The following SEC14L3 variants were observed in gnomAD, a reference collection of about 807,000 sequenced individuals.
SEC14L3 encodes SEC14-like protein 3.
Under a neutral mutation model 57.4 loss-of-function variants are expected in SEC14L3, and 56 were observed. The ratio of observed to expected loss-of-function variants is 0.97; its 90% CI spans 0.79 to 1.22. The LOEUF (loss-of-function observed/expected upper bound fraction) is 1.22, where lower values mean the gene tolerates loss of function less well. Ranked by LOEUF, SEC14L3 falls within the 50% of genes most tolerant of loss-of-function variation. The pLI is 0.00. For missense variants in SEC14L3, 485 were observed against 511.7 expected (o/e 0.95, Z 0.50); for synonymous variants, 173 against 194.4 (o/e 0.89, Z 0.92).
rs540026444 is a variant in SEC14L3, at chr22:30,469,914, C to G, written c.234+105G>C. Reference sequence around the variant, plus strand: ...TGTAGGAAAGGAGACTGCAGGCCTGCGGGTTCCACAGGCCTCTCAGGCTTG... The same window carrying G: ...TGTAGGAAAGGAGACTGCAGGCCTGGGGGTTCCACAGGCCTCTCAGGCTTG... On this transcript the variant is annotated intron_variant, in intron 4 of 11. Transcript: ENST00000215812. 132 of 809,984 alleles carry G rather than the reference C, an allele frequency of 1.6e-4. No homozygotes were observed. In the Middle Eastern group the frequency reaches 2.6e-3, roughly 16 times the overall value. 50.2% of individuals were successfully genotyped at this position (809,984 alleles called of 1,614,324 possible). A position where few individuals can be genotyped will look rare whatever the true frequency, so the allele number is the denominator to read the frequency against.
At chr22:30,449,159 C>T (rs1934933026) in exon 13 of SEC14L3, 7 of 1,550,438 alleles carry the variant, frequency 4.5e-6, no homozygotes, top group East Asian at 2.4e-5. Context: ...CCATCACTTG[C>T]GAGTTTGAGT....
chr22:30,471,858 GCCCC>G, intron 1 of SEC14L3, 43 bp downstream of exon 1: 2 of 1,612,388 alleles, frequency 1.2e-6, no homozygotes, highest in Non-Finnish European at 1.7e-6. Context: ...CCACCCCCCA[GCCCC>G]TTTCCCCTGG....
rs773703971 is a variant in SEC14L3, at chr22:30,460,141, A to T, written c.1083T>A (p.Tyr361Ter). Residue 361 changes from tyrosine (Y) to a stop codon, truncating the protein, a stop_gained and splice_region_variant, in exon 12 of 12, where the codon TAT (tyrosine) becomes TAA (stop). Transcript: ENST00000215812. LOFTEE classifies it high-confidence loss of function. ...GNLTCSEAGVYVLRFDNTYSF... is the reference protein window; with the variant it reads ...GNLTCSEAGV ...TATAGGTGTTGTCGAAGCGTAGGAC[A>T]TCTGGGGGACAGATGGAAAGAGGGG... 9.9e-6 allele frequency: 16 copies of T among 1,613,658 alleles called. No individual in the cohort carries two copies. In the South Asian group the frequency reaches 1.8e-4, roughly 18 times the overall value.
chr22:30,454,501 T>G (rs1256919282), downstream of SEC14L3, among the ~76,000 whole-genome samples: 1 of 140,650 alleles, frequency 7.1e-6, no homozygotes, highest in African/African-American at 2.6e-5. Flanking sequence ...TATTATTATA[T>G]ATAATCTATA....
intron 8 of SEC14L3, among the ~76,000 whole-genome samples, chr22:30,462,924 A>G (rs1935312866): frequency 6.6e-6 from 1 of 151,878 alleles, no homozygotes; most frequent in South Asian, 2.1e-4. Context: ...TTTAGTAGAG[A>G]CGGGGTTTCA....
At chr22:30,454,906 ATATAT>A (rs1332424425), downstream of SEC14L3, among the ~76,000 whole-genome samples, 1 of 37,522 alleles carries the variant, frequency 2.7e-5, no homozygotes, top group Non-Finnish European at 4.1e-5. Flanking sequence ...TAGATATATA[ATATAT>A]TATTATATAT....
Position 30,449,890 on chromosome 22 carries a change from C to T in SEC14L3, c.905-646G>A, listed in dbSNP as rs151014572. 4.4e-4 allele frequency among the ~76,000 whole-genome samples: 67 copies of T among 152,218 alleles called. 1 individual carries two copies. In the East Asian group the frequency reaches 0.012, roughly 26 times the overall value. ...CCAATCTGTCCCTGTTGTAAATCAG[C>T]GCTGTGGTGAGGAAATACTCCTGGA... On this transcript the variant is annotated intron_variant, in intron 12 of 12. Transcript: ENST00000403066.
Position 30,461,680 on chromosome 22 carries a change from C to T in SEC14L3, c.786G>A (p.Gly262=). 1 of 1,612,260 alleles carries T rather than the reference C, an allele frequency of 6.2e-7. No individual in the cohort carries two copies. The highest frequency in any genetic ancestry group is 8.5e-7 in the Non-Finnish European group (1 of 1,178,998). Residue 262 remains glycine, a synonymous_variant, in exon 10 of 12, where the codon GGG becomes GGA. Transcript: ENST00000215812. ...GCACGTACATGGACTTGGGGATCTC[C>T]CCGCCATAGTTAATCTGCGGACATG... The part of the protein sequence containing the change: ...PKCLTKINYG[G]EIPKSMYVRD...
At position 30,460,071 on chromosome 22, in the gene SEC14L3, G is replaced by A. The variant is rs143446006; in HGVS notation, c.1153C>T (p.Leu385Phe). Residue 385 changes from leucine to phenylalanine, a missense_variant, in exon 12 of 12, where the codon CTC becomes TTC. Coordinates refer to ENST00000215812, the MANE Select transcript of SEC14L3 (RefSeq NM_174975.5). ...TATTTCTGCATGCCCTCGTCAGGGA[G>A]CAGGACCTCCACTGTGAAGCTGACC... The part of the protein sequence containing the change: ...KKVSFTVEVL[L>F]PDEGMQKYDK... 5.0e-6 allele frequency: 8 copies of A among 1,614,068 alleles called. No individual in the cohort carries two copies. In the African/African-American group the frequency reaches 5.3e-5, roughly 11 times the overall value.
chr22:30,471,726 C>A (rs1408193669), intron 1 of SEC14L3, among the ~76,000 whole-genome samples, 179 bp downstream of exon 1: 1 of 152,208 alleles, frequency 6.6e-6, no homozygotes, highest in Non-Finnish European at 1.5e-5. Context: ...CAACCCCCGC[C>A]CGGGACAGGG....
Position 30,470,087 on chromosome 22 carries a change from G to A in SEC14L3, c.175-9C>T, listed in dbSNP as rs373648125. 42 of 1,604,420 alleles carry A rather than the reference G, an allele frequency of 2.6e-5. No homozygotes were observed. The African/African-American group carries it at 3.5e-4, about 13-fold the overall frequency. On this transcript the variant is annotated splice_polypyrimidine_tract_variant and intron_variant, in intron 3 of 11. Coordinates refer to ENST00000215812, the MANE Select transcript of SEC14L3 (RefSeq NM_174975.5). ...TTCCGGAACTCCATGTACTGAAAGGGAAATGAGTGGTAAGATCCCACTGGG... is the reference window on the plus strand; with the variant it reads ...TTCCGGAACTCCATGTACTGAAAGGAAAATGAGTGGTAAGATCCCACTGGG...
At chr22:30,457,377 C>CTTTTT (rs60894978), downstream of SEC14L3, among the ~76,000 whole-genome samples, 2 of 136,658 alleles carry the variant, frequency 1.5e-5, no homozygotes, top group Non-Finnish European at 3.2e-5. Flanking sequence ...TTAAGTATGT[C>CTTTTT]TTTTTTTTTT....
In SEC14L3 at chr22:30,471,988, C is replaced by G; in HGVS notation, c.-30G>C. 1 of 1,578,392 alleles carries G rather than the reference C, an allele frequency of 6.3e-7. No homozygotes were observed. The highest frequency in any genetic ancestry group is 2.3e-5 in the East Asian group (1 of 42,754). ...CTGGCTGGGGCTTGAGGAGTGGTGG[C>G]CACTATAGGCAAGAGGCCAAGCCTA... On this transcript the variant is annotated 5_prime_UTR_variant, in exon 1 of 12. Transcript: ENST00000215812.
At chr22:30,459,111 C>A (rs988898105), downstream of SEC14L3, 4 of 247,832 alleles carry the variant, frequency 1.6e-5, no homozygotes, top group Middle Eastern at 2.0e-3. Context: ...GTAGCTTCAC[C>A]CCTCTGAGCC....
At position 30,459,340 on chromosome 22, in the gene SEC14L3, C is replaced by A; in HGVS notation, c.*681G>T. The A allele has an allele frequency of 1.0e-6, 1 of 985,464 alleles. No homozygotes were observed. Among genetic ancestry groups the A allele is most frequent in the East Asian group, 1.1e-4 (1 of 8,812 alleles). The allele number at this position is 985,464 out of a possible 1,614,324, so 61.0% of individuals were successfully genotyped here. Reference sequence around the variant, plus strand: ...AAGGGAAGTGGGTTAGGGTGGGAAGCTGAGCGTGCAAGTCAGACAAAGCCT... The same window carrying A: ...AAGGGAAGTGGGTTAGGGTGGGAAGATGAGCGTGCAAGTCAGACAAAGCCT... On this transcript the variant is annotated 3_prime_UTR_variant, in exon 12 of 12. Transcript: ENST00000215812.
intron 12 of SEC14L3, among the ~76,000 whole-genome samples, chr22:30,449,471 T>A (rs546583882): frequency 1.3e-5 from 2 of 152,316 alleles, no homozygotes; most frequent in African/African-American, 2.4e-5. Flanking sequence ...GAACCCTACT[T>A]GTCTGGTCAA....
chr22:30,454,507 C>A (rs1310051828), downstream of SEC14L3, among the ~76,000 whole-genome samples: 2 of 136,270 alleles, frequency 1.5e-5, no homozygotes. Context: ...TATATATAAT[C>A]TATAATAATA....
At chr22:30,453,632 C>T (rs1935028225) in intron 12 of SEC14L3, among the ~76,000 whole-genome samples, 1 of 152,214 alleles carries the variant, frequency 6.6e-6, no homozygotes, top group Admixed American at 6.5e-5. Flanking sequence ...AGGCTGGTCT[C>T]AAACTCCCGA....
intron 6 of SEC14L3, among the ~76,000 whole-genome samples, chr22:30,466,750 T>C (rs1935429367): frequency 6.6e-6 from 1 of 152,064 alleles, no homozygotes; most frequent in Non-Finnish European, 1.5e-5. Flanking sequence ...GAAACAAGCA[T>C]GGAGAGGGTT....
Sources: gnomAD v4.1 joint callset for allele counts (sites outside exome capture counted in the v4.1 genomes callset) on GRCh38, gnomAD v4.1.1 for gene constraint, MANE v1.5 for transcripts, NCBI Gene and HGNC (gene_info 2026-07-23, HGNC 2026-07-21) for gene names.